Variants in OLFM3 observed in about 807,000 individuals in gnomAD.
The protein encoded by OLFM3 is noelin-3.
A neutral mutation model predicts 48.6 loss-of-function variants in OLFM3; 20 were observed. That is an observed-to-expected ratio of 0.41 (90% confidence interval 0.29 to 0.60). The LOEUF (loss-of-function observed/expected upper bound fraction) is 0.60, where lower values mean the gene tolerates loss of function less well. OLFM3 is among the 20% of genes least tolerant of loss of function. The probability of loss-of-function intolerance (pLI) is 0.28; values close to 1 mark genes in which losing one functional copy is unlikely to be tolerated. For synonymous variants in OLFM3, 222 were observed against 198.1 expected (o/e 1.12, Z -1.01); for missense variants, 437 against 544.3 (o/e 0.80, Z 1.96).
At chr1:101,956,101 T>TG in intron 1 of OLFM3, among the ~76,000 whole-genome samples, 1 of 122,934 alleles carries the variant, frequency 8.1e-6, no homozygotes, top group South Asian at 2.5e-4. Context: ...TTTTTTTTTT[T>TG]TTAAAAAAAA....
intron 1 of OLFM3, among the ~76,000 whole-genome samples, chr1:101,992,885 T>G (rs1285960042): frequency 6.6e-6 from 1 of 152,174 alleles, no homozygotes; most frequent in East Asian, 1.9e-4. Context: ...TGGGTTGCCT[T>G]GGACAGAAAC....
At position 101,878,821 on chromosome 1, in the gene OLFM3, C is replaced by T. The variant is rs147936134; in HGVS notation, c.70-41796G>A. On this transcript the variant is annotated intron_variant, in intron 1 of 5. Transcript: ENST00000370103. ...AAGAATTAGCCTTGGTACAAATTTG[C>T]GCAGTTCAGATCAGCTATAGTTCAG... is the stretch of plus-strand genomic sequence containing the variant. Among the ~76,000 whole-genome samples, 137 of 151,976 alleles carry T rather than the reference C, an allele frequency of 9.0e-4. 1 individual carries two copies. Among genetic ancestry groups the T allele is most frequent in the African/African-American group, 2.9e-3 (122 of 41,498 alleles).
At chr1:101,888,789 TA>T (rs1047949592) in intron 1 of OLFM3, among the ~76,000 whole-genome samples, 4 of 152,120 alleles carry the variant, frequency 2.6e-5, no homozygotes, top group African/African-American at 7.2e-5. Context: ...ACAAAGGACT[TA>T]AACAAATTTG....
At chr1:101,910,470 GAAAAA>G (rs5776606) in intron 1 of OLFM3, among the ~76,000 whole-genome samples, 1 of 123,026 alleles carries the variant, frequency 8.1e-6, no homozygotes, top group Non-Finnish European at 1.7e-5. Flanking sequence ...CGTCTCAACT[GAAAAA>G]AAAAAAAAAG....
At chr1:101,813,918 T>G (rs1570508140) in intron 4 of OLFM3, among the ~76,000 whole-genome samples, 1 of 152,290 alleles carries the variant, frequency 6.6e-6, no homozygotes, top group East Asian at 1.9e-4. Context: ...TAACTGCATC[T>G]TCGGTTTCTT....
At chr1:101,934,607 C>T (rs1570644618) in intron 1 of OLFM3, among the ~76,000 whole-genome samples, 1 of 152,064 alleles carries the variant, frequency 6.6e-6, no homozygotes, top group African/African-American at 2.4e-5. Context: ...GAACTTGACA[C>T]TTGACCAAAT....
chr1:101,961,650 A>G (rs759557643), intron 1 of OLFM3, among the ~76,000 whole-genome samples: 4 of 152,258 alleles, frequency 2.6e-5, no homozygotes, highest in Middle Eastern at 3.4e-3. Context: ...AACAGAGGAG[A>G]TAGCGATTTA....
At chr1:101,989,529 T>G (rs967264768) in intron 1 of OLFM3, among the ~76,000 whole-genome samples, 1 of 152,152 alleles carries the variant, frequency 6.6e-6, no homozygotes, top group Non-Finnish European at 1.5e-5. Flanking sequence ...TAAACATTTT[T>G]AAAATAATAG....
At chr1:101,976,726 G>A (rs1300290568) in intron 1 of OLFM3, among the ~76,000 whole-genome samples, 1 of 152,118 alleles carries the variant, frequency 6.6e-6, no homozygotes, top group Non-Finnish European at 1.5e-5. Context: ...TCCATATCAT[G>A]AGTTTTTAAC....
intron 1 of OLFM3, among the ~76,000 whole-genome samples, chr1:101,992,397 C>G (rs1336072642): frequency 6.6e-6 from 1 of 152,096 alleles, no homozygotes; most frequent in Non-Finnish European, 1.5e-5. Context: ...GCTATTTGCT[C>G]CATCAAAACA....
At chr1:101,920,524 A>T (rs764101297) in intron 1 of OLFM3, among the ~76,000 whole-genome samples, 1 of 152,252 alleles carries the variant, frequency 6.6e-6, no homozygotes, top group Non-Finnish European at 1.5e-5. Flanking sequence ...AAATATGTTC[A>T]CTACTTTTCC....
chr1:101,814,933 A>G (rs990130380), intron 4 of OLFM3, among the ~76,000 whole-genome samples: 1 of 152,258 alleles, frequency 6.6e-6, no homozygotes, highest in Non-Finnish European at 1.5e-5. Context: ...ATAAACAGAA[A>G]GAAGATCAAT....
chr1:101,886,951 C>G (rs1657785920), intron 1 of OLFM3, among the ~76,000 whole-genome samples: 1 of 152,022 alleles, frequency 6.6e-6, no homozygotes, highest in South Asian at 2.1e-4. Flanking sequence ...GGACTACCCT[C>G]AGTTATATAA....
intron 1 of OLFM3, among the ~76,000 whole-genome samples, chr1:101,954,388 T>C (rs1472963898): frequency 6.6e-6 from 1 of 152,096 alleles, no homozygotes; most frequent in East Asian, 1.9e-4. Flanking sequence ...ATGTGCAAAG[T>C]TGGCTAGAAC....
chr1:101,936,084 C>A (rs1205771392), intron 1 of OLFM3, among the ~76,000 whole-genome samples: 1 of 152,118 alleles, frequency 6.6e-6, no homozygotes, highest in Non-Finnish European at 1.5e-5. Context: ...CCCACTCTAA[C>A]CACTCCTATA....
chr1:101,865,667 C>A (rs1248427507), intron 1 of OLFM3, among the ~76,000 whole-genome samples: 2 of 152,142 alleles, frequency 1.3e-5, no homozygotes, highest in Non-Finnish European at 2.9e-5. Context: ...TCTATCCTAG[C>A]ATATCCAATA....
At chr1:101,891,121 G>A (rs1657977270) in intron 1 of OLFM3, among the ~76,000 whole-genome samples, 2 of 151,862 alleles carry the variant, frequency 1.3e-5, no homozygotes. Flanking sequence ...TTGAACTAAC[G>A]TCAGCACCCT....
intron 1 of OLFM3, among the ~76,000 whole-genome samples, chr1:101,991,000 AAAAAAAAAAAAAAAAAATATATAT>A (rs1249707559): frequency 1.1e-5 from 1 of 89,874 alleles, no homozygotes; most frequent in South Asian, 3.9e-4. Flanking sequence ...AAAAAAAAAA[AAAAAAAAAAAAAAAAAATATATAT>A]ATATATATAT....
At chr1:101,870,538 G>A (rs1433313552) in intron 1 of OLFM3, among the ~76,000 whole-genome samples, 2 of 152,100 alleles carry the variant, frequency 1.3e-5, no homozygotes, top group Admixed American at 6.6e-5. Context: ...CCAACTGCTT[G>A]TTCTACTTCT....
Sources: gnomAD v4.1 joint callset for allele counts (sites outside exome capture counted in the v4.1 genomes callset) on GRCh38, gnomAD v4.1.1 for gene constraint, MANE v1.5 for transcripts, NCBI Gene and HGNC (gene_info 2026-07-23, HGNC 2026-07-21) for gene names.